Variants in TMPRSS3 observed in about 807,000 individuals in gnomAD.
TMPRSS3 encodes the protein transmembrane protease serine 3.
TMPRSS3 carries 55 observed loss-of-function variants against 59.6 expected under a neutral mutation model. The ratio of observed to expected loss-of-function variants is 0.92; its 90% confidence interval spans 0.74 to 1.16. TMPRSS3 has a LOEUF of 1.16. Ranked by LOEUF, TMPRSS3 falls within the 50% of genes most tolerant of loss-of-function variation. The pLI is 0.00. For synonymous variants in TMPRSS3, 257 were observed against 237.7 expected, an observed-to-expected ratio of 1.08 and a Z score of -0.75; for missense variants, 596 against 579.4, an observed-to-expected ratio of 1.03 and a Z score of -0.29.
chr21:42,389,939 T>C lies in TMPRSS3; in HGVS notation c.193A>G (p.Ile65Val), dbSNP rs374679649. The C allele has an allele frequency of 1.3e-5, 21 of 1,612,788 alleles. No individual in the cohort carries two copies. In the East Asian group the frequency reaches 2.2e-4, roughly 17 times the overall value. Residue 65 changes from isoleucine to valine, a missense_variant, in exon 3 of 13, where the codon ATT (isoleucine) becomes GTT (valine). Ile to Val is a conservative substitution (Grantham distance 29). Coordinates refer to ENST00000644384, the MANE Select transcript of TMPRSS3 (RefSeq NM_001256317.3). ...GIIALILALAIGLGIHFDCSG... is the reference protein window; with the variant it reads ...GIIALILALAVGLGIHFDCSG... Reference sequence around the variant, plus strand: ...GAATTGTACTCACTGCCCAGACCAATGGCCAGTGCTAATATCAATGCAATG... The same window carrying C: ...GAATTGTACTCACTGCCCAGACCAACGGCCAGTGCTAATATCAATGCAATG...
chr21:42,385,721 G>A (rs367909722), intron 5 of TMPRSS3, among the ~76,000 whole-genome samples, 187 bp from the exon 6 acceptor site: 3 of 152,186 alleles, frequency 2.0e-5, no homozygotes, highest in Admixed American at 1.3e-4. Flanking sequence ...ATTCAGTCCA[G>A]GCCTGCTGTG....
At chr21:42,376,232 CG>C (rs754145213) in intron 11 of TMPRSS3, among the ~76,000 whole-genome samples, 34 of 152,126 alleles carry the variant, frequency 2.2e-4, no homozygotes, top group Non-Finnish European at 4.0e-4. Context: ...CTGCAGCTTT[CG>C]GAGGGCCAGA....
intron 2 of TMPRSS3, among the ~76,000 whole-genome samples, chr21:42,394,170 CACT>C (rs1053896116): frequency 3.5e-4 from 53 of 152,054 alleles, no homozygotes; most frequent in Non-Finnish European, 2.9e-4. Context: ...TGTTCCTCCC[CACT>C]ACTTAGTCAT....
At chr21:42,393,678 T>C (rs1319570250) in intron 2 of TMPRSS3, among the ~76,000 whole-genome samples, 1 of 152,170 alleles carries the variant, frequency 6.6e-6, no homozygotes, top group Non-Finnish European at 1.5e-5. Context: ...AGATTTTCTG[T>C]AAAGGACCAG....
chr21:42,383,526 C>T (rs2052572132), intron 7 of TMPRSS3: 2 of 522,074 alleles, frequency 3.8e-6, no homozygotes, highest in Admixed American at 6.4e-5. Flanking sequence ...CAGGCAGGAA[C>T]CTTCTGCAGC....
chr21:42,373,586 G>A (rs114066674), intron 12 of TMPRSS3, among the ~76,000 whole-genome samples: 2,517 of 152,282 alleles, frequency 0.017, 71 homozygotes, highest in African/African-American at 0.058. Context: ...CCAGATAAAC[G>A]CCCTGCAATC....
At chr21:42,385,578 A>C in intron 5 of TMPRSS3, 44 bp from the exon 6 acceptor site, 1 of 1,612,104 alleles carries the variant, frequency 6.2e-7, no homozygotes, top group Non-Finnish European at 8.5e-7. Flanking sequence ...GTAACTTTAC[A>C]CTTTGAAGCA....
chr21:42,383,011 G>T, intron 8 of TMPRSS3, 22 bp downstream of exon 8: 1 of 1,613,702 alleles, frequency 6.2e-7, no homozygotes, highest in Non-Finnish European at 8.5e-7. Context: ...AGGGGTCTGG[G>T]AAGATGGTCA....
At chr21:42,381,511 G>A (rs1341835487) in intron 9 of TMPRSS3, among the ~76,000 whole-genome samples, 1 of 152,226 alleles carries the variant, frequency 6.6e-6, no homozygotes, top group African/African-American at 2.4e-5. Flanking sequence ...TAGGCTCCTG[G>A]ACAGGAAAGT....
At chr21:42,383,900 C>T (rs1568884231) in intron 7 of TMPRSS3, 70 bp downstream of exon 7, 2 of 1,552,588 alleles carry the variant, frequency 1.3e-6, no homozygotes. Flanking sequence ...GGAGAGGACT[C>T]TGAGGGCAAG....
intron 11 of TMPRSS3, 68 bp from the exon 12 acceptor site, chr21:42,375,936 A>C (rs1461355758): frequency 6.3e-7 from 1 of 1,598,898 alleles, no homozygotes; most frequent in African/African-American, 1.3e-5. Flanking sequence ...TTCTGTGGAC[A>C]GTCTGCCGTG....
rs1269927147 is a variant in TMPRSS3 at position 42,382,251 on chromosome 21, A to G, written c.783-17T>C. On this transcript the variant is annotated splice_polypyrimidine_tract_variant and intron_variant, in intron 8 of 12. Transcript: ENST00000644384. ...AGGTACAAGCTGAAATGAGAAGAGC[A>G]AGAGGTGAAGCACAGGAAAAGTCCA... 6.2e-7 allele frequency: 1 copy of G among 1,612,386 alleles called. No homozygotes were observed. The highest frequency in any genetic ancestry group is 1.7e-5 in the Admixed American group (1 of 59,944).
At chr21:42,381,580 T>C (rs1289738223) in intron 9 of TMPRSS3, among the ~76,000 whole-genome samples, 1 of 152,196 alleles carries the variant, frequency 6.6e-6, no homozygotes, top group African/African-American at 2.4e-5. Flanking sequence ...CCAGCTGGTC[T>C]GGCCTCAAGA....
intron 10 of TMPRSS3, among the ~76,000 whole-genome samples, chr21:42,379,200 T>G (rs2052478986): frequency 6.6e-6 from 1 of 152,046 alleles, no homozygotes; most frequent in Non-Finnish European, 1.5e-5. Flanking sequence ...CTAATTTTTT[T>G]AATTTTTTGT....
chr21:42,376,079 G>A (rs992853825), intron 11 of TMPRSS3, among the ~76,000 whole-genome samples: 8 of 152,182 alleles, frequency 5.3e-5, no homozygotes, highest in African/African-American at 1.7e-4. Flanking sequence ...CCCCTTTGGG[G>A]TGCTGCCTCC....
chr21:42,389,797 C>T lies in TMPRSS3; in HGVS notation c.205+130G>A, dbSNP rs185685090. The T allele has an allele frequency of 4.9e-4, 374 of 768,744 alleles. 3 individuals carry two copies. In the African/African-American group the frequency reaches 5.7e-3, roughly 12 times the overall value. 47.6% of individuals were successfully genotyped at this position (768,744 alleles called of 1,614,324 possible). A position where few individuals can be genotyped will look rare whatever the true frequency, so the allele number is the denominator to read the frequency against. On this transcript the variant is annotated intron_variant, in intron 3 of 12. Transcript: ENST00000644384. ...CAAATAAAACTTCAAGTCAGCAAAC[C>T]AAAAGGATGTTTGCCTCCAGTAATT...
At chr21:42,383,269 G>T in intron 7 of TMPRSS3, 71 bp from the exon 8 acceptor site, 1 of 1,528,050 alleles carries the variant, frequency 6.5e-7, no homozygotes, top group Non-Finnish European at 9.0e-7. Flanking sequence ...TCACCACCAT[G>T]CACCTGCTCC....
At chr21:42,381,981 A>G (rs1392767124) in intron 9 of TMPRSS3, 84 bp downstream of exon 9, 13 of 1,519,436 alleles carry the variant, frequency 8.6e-6, no homozygotes, top group Non-Finnish European at 1.2e-5. Context: ...TAAAGCAGCC[A>G]TCATAAGAAT....
In TMPRSS3 at chr21:42,372,681, G is replaced by A. The variant is rs766378265; in HGVS notation, c.*81C>T. ...TCCAAGGGTGTCTGCTCGTGTGCAG[G>A]TTCCTACACGGGAGTCCAGGGGAGG... On this transcript the variant is annotated 3_prime_UTR_variant, in exon 13 of 13. Transcript: ENST00000644384. The A allele has an allele frequency of 3.6e-5, 53 of 1,480,570 alleles. 1 individual carries two copies. In the Middle Eastern group the frequency reaches 4.1e-3, roughly 116 times the overall value. The allele number at this position is 1,480,570 out of a possible 1,614,324, so 91.7% of individuals were successfully genotyped here.
Sources: gnomAD v4.1 joint callset for allele counts (sites outside exome capture counted in the v4.1 genomes callset) on GRCh38, gnomAD v4.1.1 for gene constraint, MANE v1.5 for transcripts, NCBI Gene and HGNC (gene_info 2026-07-23, HGNC 2026-07-21) for gene names.